SGF29: variants seen among roughly 807,000 people sequenced by gnomAD.
SGF29 encodes SAGA complex associated factor 29.
A neutral mutation model predicts 38.1 loss-of-function variants in SGF29; 15 were observed. The ratio of observed to expected loss-of-function variants is 0.39; its 90% confidence interval spans 0.26 to 0.61. The LOEUF is 0.61. SGF29 is among the 20% of genes least tolerant of loss of function. SGF29 has a pLI of 0.49. For missense variants in SGF29, 184 were observed against 394.6 expected (o/e 0.47, Z 4.52); for synonymous variants, 151 against 160.8 (o/e 0.94, Z 0.46).
intron 1 of SGF29, among the ~76,000 whole-genome samples, chr16:28,578,606 T>C (rs2046907847): frequency 6.6e-6 from 1 of 151,474 alleles, no homozygotes; most frequent in African/African-American, 2.4e-5. Flanking sequence ...CGCAGTTGAT[T>C]AAGTGGGGGG....
chr16:28,586,499 T>C (rs989151497), intron 4 of SGF29, among the ~76,000 whole-genome samples: 10 of 149,486 alleles, frequency 6.7e-5, no homozygotes, highest in African/African-American at 1.7e-4. Flanking sequence ...AGAGCAAGGC[T>C]CTGCCTCAAA....
rs2046952878 is a variant in SGF29 at position 28,585,715 on chromosome 16, G to A, written c.219G>A (p.Glu73=). 5 of 1,614,170 alleles carry A rather than the reference G, an allele frequency of 3.1e-6. No individual in the cohort carries two copies. In the South Asian group the frequency reaches 3.3e-5, roughly 11 times the overall value. Reference sequence around the variant, plus strand: ...CCGCCAAGGCCGATGCAGAGGCTGAGTGCAAGTGAGTACCGTGCACCCACT... The same window carrying A: ...CCGCCAAGGCCGATGCAGAGGCTGAATGCAAGTGAGTACCGTGCACCCACT... ...YTTAKADAEA[E]CNILRKALDK... The change falls in exon 4 of 10, where the codon GAG becomes GAA. Residue 73 remains glutamate, a synonymous_variant. Coordinates refer to ENST00000317058, the MANE Select transcript of SGF29 (RefSeq NM_138414.3).
chr16:28,590,377 G>A lies in SGF29; in HGVS notation c.501G>A (p.Lys167=). 3 of 1,613,908 alleles carry A rather than the reference G, an allele frequency of 1.9e-6. No individual in the cohort carries two copies. The highest frequency in any genetic ancestry group is 2.5e-6 in the Non-Finnish European group (3 of 1,179,838). ...GAGACAAGGTGGCTGCCCGGGTGAA[G>A]GCCGTGGATGGGGACGAGCAGTGGA... is the stretch of plus-strand genomic sequence containing the variant. ...RPGDKVAARV[K]AVDGDEQWIL... The change falls in exon 7 of 10, where the codon AAG becomes AAA. Residue 167 remains lysine (K), a synonymous_variant. Transcript: ENST00000317058. This position sits in a 1 kb window ranked among gnomAD's most constrained non-coding sequence, Gnocchi z 8.2.
chr16:28,557,492 A>T (rs1030424173), intron 1 of SGF29, among the ~76,000 whole-genome samples: 1 of 152,272 alleles, frequency 6.6e-6, no homozygotes, highest in East Asian at 1.9e-4. Flanking sequence ...TAAGCCAGTA[A>T]ACCTAAGTGT....
chr16:28,574,363 T>C (rs1018903731), intron 1 of SGF29, among the ~76,000 whole-genome samples: 3 of 152,160 alleles, frequency 2.0e-5, no homozygotes, highest in Non-Finnish European at 4.4e-5. Flanking sequence ...ACATACACAG[T>C]GTGTAGGAAG....
chr16:28,588,269 G>T (rs1320476165), intron 4 of SGF29, among the ~76,000 whole-genome samples: 1 of 152,168 alleles, frequency 6.6e-6, no homozygotes, highest in Non-Finnish European at 1.5e-5. Context: ...CCATGCAGGG[G>T]TCTGTCTTTG....
Position 28,590,516 on chromosome 16 carries a change from A to T in SGF29, c.566+74A>T. On this transcript the variant is annotated intron_variant, in intron 7 of 9. Transcript: ENST00000317058. The surrounding 1 kb of genome is among the most constrained non-coding windows in gnomAD (Gnocchi z 8.2). ...GGGCTACGGGAGAAAAGCTCTGCAG[A>T]GGGTGCTCCCCAGAGGCTGGTTGTG... The T allele has an allele frequency of 6.2e-7, 1 of 1,613,148 alleles. No homozygotes were observed. The highest frequency in any genetic ancestry group is 8.5e-7 in the Non-Finnish European group (1 of 1,179,646).
At position 28,554,353 on chromosome 16, in the gene SGF29, G is replaced by A. The variant is rs528054830; in HGVS notation, c.-16+256G>A. On this transcript the variant is annotated intron_variant, in intron 1 of 9. Coordinates refer to ENST00000317058, the MANE Select transcript of SGF29 (RefSeq NM_138414.3). ...CTTGCGTGCTTCCATCCCCGGCGAG[G>A]GTGGGAAACAGCGACACGCTGGGCT... Among the ~76,000 whole-genome samples, 52 of 152,192 alleles carry A rather than the reference G, an allele frequency of 3.4e-4. No individual in the cohort carries two copies. In the East Asian group the frequency reaches 9.7e-3, roughly 28 times the overall value.
At chr16:28,560,123 C>T (rs1372672832) in intron 1 of SGF29, among the ~76,000 whole-genome samples, 1 of 151,284 alleles carries the variant, frequency 6.6e-6, no homozygotes, top group East Asian at 1.9e-4. Flanking sequence ...ACAGGAGGCT[C>T]AGGAGGCTAA....
intron 1 of SGF29, among the ~76,000 whole-genome samples, chr16:28,556,518 T>C (rs1355758489): frequency 6.6e-6 from 1 of 152,200 alleles, no homozygotes; most frequent in African/African-American, 2.4e-5. Context: ...CGATTAATTT[T>C]GTATTTTTAG....
chr16:28,573,630 T>A (rs536576099), intron 1 of SGF29, among the ~76,000 whole-genome samples: 1 of 152,318 alleles, frequency 6.6e-6, no homozygotes, highest in South Asian at 2.1e-4. Context: ...AAGGATTCGC[T>A]GACAGTCGGA....
At chr16:28,577,843 A>C (rs183637658) in intron 1 of SGF29, among the ~76,000 whole-genome samples, 2 of 152,266 alleles carry the variant, frequency 1.3e-5, no homozygotes, top group East Asian at 3.9e-4. Flanking sequence ...TTACATGTGG[A>C]TATTCAGTTG....
rs562131250 is a variant in SGF29 at position 28,585,772 on chromosome 16, G to C, written c.224+52G>C. 5 of 1,542,250 alleles carry C rather than the reference G, an allele frequency of 3.2e-6. No homozygotes were observed. The South Asian group carries it at 4.5e-5, about 14-fold the overall frequency. On this transcript the variant is annotated intron_variant, in intron 4 of 9. Coordinates refer to ENST00000317058, the MANE Select transcript of SGF29 (RefSeq NM_138414.3). ...CCGCTCCCTCCTTTCCTGGGGGCTG[G>C]GCTGCAGGTCCATTTGGACCAAGTC...
intron 1 of SGF29, among the ~76,000 whole-genome samples, chr16:28,576,202 A>G (rs1232649859): frequency 2.0e-5 from 3 of 152,196 alleles, no homozygotes; most frequent in Non-Finnish European, 4.4e-5. Context: ...ATATGTACCC[A>G]GAAATGAAAA....
At chr16:28,569,516 G>A (rs1035231414) in intron 1 of SGF29, among the ~76,000 whole-genome samples, 2 of 152,178 alleles carry the variant, frequency 1.3e-5, no homozygotes, top group Non-Finnish European at 2.9e-5. Flanking sequence ...GCCGGGCATG[G>A]TGGCATGTGC....
rs772898465 is a variant in SGF29 at position 28,590,732 on chromosome 16, C to T, written c.603-41C>T. ...AGCCTAACAGCTGAGAAGGAGCATC[C>T]CCACCCGGCCACAGGTTGATATAAG... On this transcript the variant is annotated intron_variant, in intron 8 of 9. Coordinates refer to ENST00000317058, the MANE Select transcript of SGF29 (RefSeq NM_138414.3). This position sits in a 1 kb window ranked among gnomAD's most constrained non-coding sequence, Gnocchi z 8.2. 3.7e-6 allele frequency: 6 copies of T among 1,613,884 alleles called. No homozygotes were observed. The highest frequency in any genetic ancestry group is 1.3e-5 in the African/African-American group (1 of 74,908).
rs2046972407 is a variant in SGF29, at chr16:28,589,178, A to G, written c.289+14A>G. 2 of 1,613,914 alleles carry G rather than the reference A, an allele frequency of 1.2e-6. No homozygotes were observed. Among genetic ancestry groups the G allele is most frequent in the Non-Finnish European group, 1.7e-6 (2 of 1,179,798 alleles). On this transcript the variant is annotated intron_variant, in intron 5 of 9. Coordinates refer to ENST00000317058, the MANE Select transcript of SGF29 (RefSeq NM_138414.3). ...AGAGGCGGATTGGTGAGTGGGAGAG[A>G]ACATGCTGGGAGGTCCTTTGCTAGG...
At chr16:28,573,970 G>A (rs759203059) in intron 1 of SGF29, among the ~76,000 whole-genome samples, 6 of 152,180 alleles carry the variant, frequency 3.9e-5, no homozygotes, top group Admixed American at 2.0e-4. Flanking sequence ...TGGTGGGGCT[G>A]TTAATAGGGC....
chr16:28,584,824 T>G lies in SGF29; in HGVS notation c.76-89T>G, dbSNP rs1334245606. The G allele has an allele frequency of 1.7e-5, 14 of 817,644 alleles. No homozygotes were observed. In the East Asian group the frequency reaches 3.2e-4, roughly 19 times the overall value. The allele number at this position is 817,644 out of a possible 1,614,324, so 50.6% of individuals were successfully genotyped here. On this transcript the variant is annotated intron_variant, in intron 2 of 9. Transcript: ENST00000317058. Reference sequence around the variant, plus strand: ...AAAAAAAAAGAAAATGAGGGCCGTATTTTGGGGATGGGGACTCTGGCCTGG... The same window carrying G: ...AAAAAAAAAGAAAATGAGGGCCGTAGTTTGGGGATGGGGACTCTGGCCTGG...
Sources: allele counts gnomAD v4.1 joint callset (sites outside exome capture counted in the v4.1 genomes callset), GRCh38; gene constraint gnomAD v4.1.1; non-coding constraint Gnocchi (gnomAD v3.1); transcripts MANE v1.5; gene names NCBI Gene and HGNC (gene_info 2026-07-23, HGNC 2026-07-21).